The following ENPP4 variants were observed in gnomAD, a reference collection of about 807,000 sequenced individuals.
The protein encoded by ENPP4 is ectonucleotide pyrophosphatase/phosphodiesterase 4, also known as bis(5'-adenosyl)-triphosphatase ENPP4.
A neutral mutation model predicts 33.4 loss-of-function variants in ENPP4; 18 were observed. The ratio of observed to expected loss-of-function variants is 0.54; its 90% CI spans 0.37 to 0.80. ENPP4 has a LOEUF of 0.80. Ranked by LOEUF, ENPP4 falls within the 30% of genes least tolerant of loss-of-function variation. ENPP4 has a pLI of 0.00. For missense variants in ENPP4, 480 were observed against 541.7 expected (o/e 0.89, Z 1.13); for synonymous variants, 172 against 189.9 (o/e 0.91, Z 0.78).
intron 1 of ENPP4, among the ~76,000 whole-genome samples, chr6:46,132,216 T>C (rs1311887075): frequency 6.6e-6 from 1 of 152,102 alleles, no homozygotes; most frequent in Admixed American, 6.5e-5. Context: ...GTTTTAGACA[T>C]GAAGTCCTTG....
chr6:46,138,387 G>T (rs1764005912), intron 1 of ENPP4, among the ~76,000 whole-genome samples: 1 of 151,798 alleles, frequency 6.6e-6, no homozygotes, highest in African/African-American at 2.4e-5. Flanking sequence ...TTACTGAGTT[G>T]CTAGAGAAAA....
chr6:46,135,167 A>G (rs1223325643), intron 1 of ENPP4, among the ~76,000 whole-genome samples: 2 of 152,078 alleles, frequency 1.3e-5, no homozygotes, highest in African/African-American at 2.4e-5. Context: ...TTGTGTGGAC[A>G]TATGTTTTCA....
Position 46,143,445 on chromosome 6 carries a change from T to C in ENPP4, c.1167T>C (p.Phe389=). The C allele has an allele frequency of 6.2e-7, 1 of 1,612,766 alleles. No homozygotes were observed. Among genetic ancestry groups the C allele is most frequent in the Non-Finnish European group, 8.5e-7 (1 of 1,179,076 alleles). The change falls in exon 4 of 4, where the codon TTT becomes TTC. Residue 389 remains phenylalanine (F), a synonymous_variant. Transcript: ENST00000321037. ...GLKPHPNNGT[F]GHTKCLLVDQ... Reference sequence around the variant, plus strand: ...AACCACATCCCAATAATGGGACCTTTGGTCATACTAAGTGCTTGTTAGTTG... The same window carrying C: ...AACCACATCCCAATAATGGGACCTTCGGTCATACTAAGTGCTTGTTAGTTG...
chr6:46,141,446 T>G (rs1388127530), intron 3 of ENPP4, among the ~76,000 whole-genome samples: 1 of 151,740 alleles, frequency 6.6e-6, no homozygotes, highest in Non-Finnish European at 1.5e-5. Flanking sequence ...AAAGTCCTAC[T>G]TTCTTTCCAA....
intron 1 of ENPP4, among the ~76,000 whole-genome samples, chr6:46,131,521 T>C (rs1763899247): frequency 6.6e-6 from 1 of 152,136 alleles, no homozygotes; most frequent in South Asian, 2.1e-4. Flanking sequence ...TATTCCATGG[T>C]GTATATGTGC....
In ENPP4 at chr6:46,144,423, T is replaced by C. The variant is rs909844035; in HGVS notation, c.*783T>C. The C allele has an allele frequency of 6.6e-6, 1 of 151,832 alleles. No homozygotes were observed. The highest frequency in any genetic ancestry group is 1.5e-5 in the Non-Finnish European group (1 of 67,814). The allele number at this position is 151,832 out of a possible 1,614,324, so 9.4% of individuals were successfully genotyped here. Reference sequence around the variant, plus strand: ...TTTGCGTGTGCCTGTGCAAGTGTGTTTGTGTGTGGTTGTGTGGACATTATG... The same window carrying C: ...TTTGCGTGTGCCTGTGCAAGTGTGTCTGTGTGTGGTTGTGTGGACATTATG... On this transcript the variant is annotated 3_prime_UTR_variant, in exon 4 of 4. Coordinates refer to ENST00000321037, the MANE Select transcript of ENPP4 (RefSeq NM_014936.5).
intron 1 of ENPP4, among the ~76,000 whole-genome samples, chr6:46,135,227 C>T (rs1763960330): frequency 6.6e-6 from 1 of 152,008 alleles, no homozygotes; most frequent in African/African-American, 2.4e-5. Context: ...TATATGGTAG[C>T]CCTATGTTTA....
chr6:46,140,443 T>C (rs1764042105), intron 2 of ENPP4, 34 bp downstream of exon 2: 1 of 1,308,974 alleles, frequency 7.6e-7, no homozygotes, highest in African/African-American at 1.5e-5. Flanking sequence ...ATACTATTAT[T>C]CGAATGGGGC....
Position 46,143,869 on chromosome 6 carries a change from G to T in ENPP4, c.*229G>T. 1 of 418,174 alleles carries T rather than the reference G, an allele frequency of 2.4e-6. No individual in the cohort carries two copies. The highest frequency in any genetic ancestry group is 4.2e-6 in the Non-Finnish European group (1 of 235,828). 25.9% of individuals were successfully genotyped at this position (418,174 alleles called of 1,614,324 possible). ...AGTAAATCATTAGGTAACATCTTGT[G>T]GTAGGAAATCATTAGGTAACATCAA... is the stretch of plus-strand genomic sequence containing the variant. On this transcript the variant is annotated 3_prime_UTR_variant, in exon 4 of 4. Coordinates refer to ENST00000321037, the MANE Select transcript of ENPP4 (RefSeq NM_014936.5).
chr6:46,141,341 T>G (rs1360808738), intron 3 of ENPP4, 119 bp downstream of exon 3: 2 of 648,766 alleles, frequency 3.1e-6, no homozygotes, highest in African/African-American at 3.9e-5. Flanking sequence ...TTAGTTCAAT[T>G]TTCAACCAGA....
At position 46,139,696 on chromosome 6, in the gene ENPP4, C is replaced by A. The variant is rs1427809243; in HGVS notation, c.113C>A (p.Ala38Asp). 10 of 1,607,538 alleles carry A rather than the reference C, an allele frequency of 6.2e-6. No individual in the cohort carries two copies. Among genetic ancestry groups the A allele is most frequent in the Middle Eastern group, 1.7e-4 (1 of 6,046 alleles). The change falls in exon 2 of 4, where the codon GCT becomes GAT. Residue 38 changes from alanine (A) to aspartate (D), a missense_variant. Ala to Asp is a moderately radical substitution (Grantham distance 126). Coordinates refer to ENST00000321037, the MANE Select transcript of ENPP4 (RefSeq NM_014936.5). ...LLLVSFDGFRADYLKNYEFPH... is the reference protein window; with the variant it reads ...LLLVSFDGFRDDYLKNYEFPH... ...CTAGTATCCTTTGATGGCTTCAGAG[C>A]TGATTATCTGAAGAACTATGAATTT...
intron 1 of ENPP4, among the ~76,000 whole-genome samples, chr6:46,134,056 A>G (rs1043183539): frequency 6.6e-6 from 1 of 152,182 alleles, no homozygotes; most frequent in African/African-American, 2.4e-5. Context: ...ATGCAAGGTC[A>G]TCATATGCGA....
intron 1 of ENPP4, among the ~76,000 whole-genome samples, chr6:46,132,102 G>A (rs1029971898): frequency 1.2e-4 from 18 of 152,190 alleles, no homozygotes; most frequent in Non-Finnish European, 2.5e-4. Flanking sequence ...CATTTTGTAG[G>A]TTGCCTGTTC....
intron 1 of ENPP4, among the ~76,000 whole-genome samples, chr6:46,134,005 G>T (rs1271257140): frequency 1.3e-5 from 2 of 152,060 alleles, no homozygotes; most frequent in African/African-American, 4.8e-5. Flanking sequence ...TTCTGAGCCC[G>T]GCTAATCACT....
chr6:46,131,165 T>A (rs1763889773), intron 1 of ENPP4, among the ~76,000 whole-genome samples: 1 of 152,000 alleles, frequency 6.6e-6, no homozygotes, highest in African/African-American at 2.4e-5. Context: ...ATTTATTAAT[T>A]ATTATTATTA....
At position 46,143,295 on chromosome 6, in the gene ENPP4, T is replaced by C. The variant is rs764673560; in HGVS notation, c.1017T>C (p.Asp339=). The C allele has an allele frequency of 4.4e-6, 7 of 1,586,946 alleles. No homozygotes were observed. The highest frequency in any genetic ancestry group is 5.2e-6 in the Non-Finnish European group (6 of 1,162,162). ...SSQKLGDHGY[D]NSLPSMHPFL... is the part of the protein sequence containing the mutation. ...TTTCAGTAGGTGACCATGGTTATGA[T>C]AATTCTTTGCCTAGTATGCATCCAT... is the stretch of plus-strand genomic sequence containing the variant. Residue 339 remains aspartate, a synonymous_variant, in exon 4 of 4, where the codon GAT becomes GAC. Coordinates refer to ENST00000321037, the MANE Select transcript of ENPP4 (RefSeq NM_014936.5).
At chr6:46,135,392 G>C (rs1324923389) in intron 1 of ENPP4, among the ~76,000 whole-genome samples, 3 of 151,890 alleles carry the variant, frequency 2.0e-5, no homozygotes, top group Non-Finnish European at 4.4e-5. Flanking sequence ...CTTATTGTGG[G>C]TTTGATTGCA....
rs111339694 is a variant in ENPP4, at chr6:46,143,320, T to C, written c.1042T>C (p.Phe348Leu). Residue 348 changes from phenylalanine (F) to leucine (L), a missense_variant, in exon 4 of 4, where the codon TTT (phenylalanine) becomes CTT (leucine). Phe to Leu is a conservative substitution (Grantham distance 22). This residue lies in a region of ENPP4 where 249 missense variants were observed against 251.8 expected (regional missense o/e 0.99). Coordinates refer to ENST00000321037, the MANE Select transcript of ENPP4 (RefSeq NM_014936.5). Reference protein sequence around the residue: ...YDNSLPSMHPFLAAHGPAFHK... With the variant: ...YDNSLPSMHPLLAAHGPAFHK... Reference sequence around the variant, plus strand: ...TAATTCTTTGCCTAGTATGCATCCATTTCTAGCTGCCCACGGACCTGCATT... The same window carrying C: ...TAATTCTTTGCCTAGTATGCATCCACTTCTAGCTGCCCACGGACCTGCATT... 4.4e-6 allele frequency: 7 copies of C among 1,606,964 alleles called. No individual in the cohort carries two copies. The highest frequency in any genetic ancestry group is 2.7e-5 in the African/African-American group (2 of 74,724).
At chr6:46,137,480 C>A (rs927648081) in intron 1 of ENPP4, among the ~76,000 whole-genome samples, 3 of 151,804 alleles carry the variant, frequency 2.0e-5, no homozygotes, top group Non-Finnish European at 4.4e-5. Flanking sequence ...ATACTGTCAT[C>A]TGATTGAACC....
Sources: gnomAD v4.1 joint callset for allele counts (sites outside exome capture counted in the v4.1 genomes callset) on GRCh38, gnomAD v4.1.1 for gene constraint, gnomAD v4.1.1 regional missense constraint, MANE v1.5 for transcripts, NCBI Gene and HGNC (gene_info 2026-07-23, HGNC 2026-07-21) for gene names.